ANK1: variants seen among roughly 807,000 people sequenced by gnomAD.
The protein encoded by ANK1 is ankyrin 1.
Under a neutral mutation model 210.4 loss-of-function variants are expected in ANK1, and 51 were observed. The observed-to-expected ratio is 0.24, with a 90% confidence interval of 0.19 to 0.31. The LOEUF is 0.31. ANK1 is among the 10% of genes least tolerant of loss of function. The pLI is 1.00. For missense variants in ANK1, 2,051 were observed against 2,504.4 expected, an observed-to-expected ratio of 0.82 and a Z score of 3.86; for synonymous variants, 967 against 1,025.9, an observed-to-expected ratio of 0.94 and a Z score of 1.10.
chr8:41,692,858 A>G lies in ANK1; in HGVS notation c.3648T>C (p.Cys1216=), dbSNP rs1456754312. ...AGTTCACAGCCTCAGCAGTCCGAGG[A>G]CAGTCCGACAGCCAAAACCTAAAAA... ...NVSARFWLSD[C]PRTAEAVNFA... Residue 1216 remains cysteine (C), a synonymous_variant, in exon 31 of 43, where the codon TGT becomes TGC. Transcript: ENST00000289734. 7.4e-6 allele frequency: 12 copies of G among 1,613,906 alleles called. No individual in the cohort carries two copies. In the African/African-American group the frequency reaches 9.3e-5, roughly 13 times the overall value.
chr8:41,886,459 C>T (rs1818455807), intron 1 of ANK1, among the ~76,000 whole-genome samples: 1 of 152,210 alleles, frequency 6.6e-6, no homozygotes, highest in Admixed American at 6.5e-5. Flanking sequence ...ACTCCACAGG[C>T]CACAGCTCTT....
chr8:41,661,263 C>T, intron 42 of ANK1, 167 bp downstream of exon 42: 1 of 1,052,622 alleles, frequency 9.5e-7, no homozygotes, highest in East Asian at 2.6e-5. Flanking sequence ...GGGTTCAGAG[C>T]CAACTGTTAG....
chr8:41,818,253 A>G (rs1040565988), intron 1 of ANK1, among the ~76,000 whole-genome samples: 4 of 152,224 alleles, frequency 2.6e-5, no homozygotes, highest in Admixed American at 2.6e-4. Flanking sequence ...GGAGATTTGG[A>G]GGAGTAAAGT....
intron 2 of ANK1, among the ~76,000 whole-genome samples, chr8:41,751,841 A>G (rs1462721676): frequency 6.6e-6 from 1 of 152,102 alleles, no homozygotes; most frequent in East Asian, 1.9e-4. Context: ...CTCTTGTGTA[A>G]CACCTTCAAA....
chr8:41,690,105 C>CG lies in ANK1; in HGVS notation c.4104+121dup, dbSNP rs1818848222. The CG allele has an allele frequency of 2.0e-6, 3 of 1,493,452 alleles. No homozygotes were observed. In the South Asian group the frequency reaches 3.5e-5, roughly 18 times the overall value. 92.5% of individuals were successfully genotyped at this position (1,493,452 alleles called of 1,614,324 possible). A position where few individuals can be genotyped will look rare whatever the true frequency, so the allele number is the denominator to read the frequency against. ...GAGAGCTCAGCACCTTTGCATGCCTCGGGGGACTCTAAGCTTCCACCAGGA... is the reference window on the plus strand; with the variant it reads ...GAGAGCTCAGCACCTTTGCATGCCTCGGGGGGACTCTAAGCTTCCACCAGGA... On this transcript the variant is annotated intron_variant, in intron 33 of 42. Transcript: ENST00000289734.
chr8:41,863,360 T>C (rs9886450), intron 1 of ANK1, among the ~76,000 whole-genome samples: 25,825 of 151,586 alleles, frequency 0.17, 2,868 homozygotes, highest in East Asian at 0.67. Flanking sequence ...CTCCATCTCA[T>C]TAAAAAAAAA....
chr8:41,856,197 C>T (rs1364340191), intron 1 of ANK1, among the ~76,000 whole-genome samples: 1 of 152,168 alleles, frequency 6.6e-6, no homozygotes, highest in East Asian at 1.9e-4. Context: ...GCACATTTTG[C>T]TTTCAATTTC....
intron 1 of ANK1, among the ~76,000 whole-genome samples, chr8:41,831,321 C>T (rs780040926): frequency 1.3e-5 from 2 of 152,198 alleles, no homozygotes; most frequent in Non-Finnish European, 2.9e-5. Flanking sequence ...CATGACCCAG[C>T]AATCCCACTC....
At chr8:41,678,208 G>A (rs1272171820) in intron 37 of ANK1, among the ~76,000 whole-genome samples, 5 of 151,112 alleles carry the variant, frequency 3.3e-5, no homozygotes, top group Admixed American at 6.6e-5. Context: ...ATGTAATCTC[G>A]GTCCACTGCA....
At chr8:41,696,955 G>A (rs1242124128) in intron 24 of ANK1, among the ~76,000 whole-genome samples, 182 bp from the exon 25 acceptor site, 3 of 152,166 alleles carry the variant, frequency 2.0e-5, no homozygotes, top group African/African-American at 4.8e-5. Flanking sequence ...AAGGAAGCAC[G>A]AGCTTCCTCC....
chr8:41,668,166 G>T, intron 39 of ANK1, 101 bp downstream of exon 39: 2 of 1,507,826 alleles, frequency 1.3e-6, no homozygotes, highest in South Asian at 1.1e-5. Flanking sequence ...AAGGGGATAT[G>T]CTTAGCTCAG....
intron 6 of ANK1, 126 bp downstream of exon 6, chr8:41,725,635 G>T: frequency 7.6e-7 from 1 of 1,314,876 alleles, no homozygotes; most frequent in Non-Finnish European, 1.0e-6. Flanking sequence ...GGGTGAGGGC[G>T]CTCAGTGCGC....
rs577169884 is a variant in ANK1, at chr8:41,666,285, T to G, written c.5394+1982A>C. Among the ~76,000 whole-genome samples, 8 of 152,368 alleles carry G rather than the reference T, an allele frequency of 5.3e-5. No individual in the cohort carries two copies. The South Asian group carries it at 1.4e-3, about 28-fold the overall frequency. ...CTATGTGGATTTCGCATTAATTCAC[T>G]GACACCTCACCACAGTCCTAACCAA... On this transcript the variant is annotated intron_variant, in intron 39 of 42. Transcript: ENST00000289734.
upstream of ANK1, chr8:41,797,704 G>T: frequency 9.1e-7 from 1 of 1,099,386 alleles, no homozygotes; most frequent in Non-Finnish European, 1.2e-6. This position sits in a 1 kb window ranked among gnomAD's most constrained non-coding sequence, Gnocchi z 4.0. Flanking sequence ...GGCGCTCCCG[G>T]CACGGGCGGG....
In ANK1 at chr8:41,895,909, C is replaced by A. The variant is rs377720869; in HGVS notation, c.126+446G>T. On this transcript the variant is annotated intron_variant, in intron 1 of 42. Coordinates refer to the ANK1 transcript ENST00000265709. ...AGAAGCCGGGCAGAGCTGCCCCCCC[C>A]CGGCCCGCTCCCCGGAGCCTGCAGC... Among the ~76,000 whole-genome samples, 553 of 152,298 alleles carry A rather than the reference C, an allele frequency of 3.6e-3. 3 individuals carry two copies. Among genetic ancestry groups the A allele is most frequent in the Non-Finnish European group, 6.1e-3 (413 of 68,006 alleles).
chr8:41,716,883 G>T, intron 13 of ANK1, 70 bp downstream of exon 13: 2 of 1,487,668 alleles, frequency 1.3e-6, no homozygotes, highest in Non-Finnish European at 1.9e-6. Context: ...CTGGAATGAG[G>T]ATGGGTTCTC....
At chr8:41,723,457 G>A in intron 8 of ANK1, 78 bp downstream of exon 8, 2 of 1,535,994 alleles carry the variant, frequency 1.3e-6, no homozygotes, top group Non-Finnish European at 9.0e-7. Flanking sequence ...AGGTCACCAA[G>A]GGCCCGCTGC....
rs755821239 is a variant in ANK1 at position 41,684,562 on chromosome 8, A to G, written c.4519T>C (p.Ser1507Pro). 12 of 1,613,726 alleles carry G rather than the reference A, an allele frequency of 7.4e-6. No individual in the cohort carries two copies. The East Asian group carries it at 2.7e-4, about 36-fold the overall frequency. Residue 1507 changes from serine (S) to proline (P), a missense_variant, in exon 37 of 43, where the codon TCA becomes CCA. By Grantham distance (74) the Ser-to-Pro change is moderately conservative (BLOSUM62 -1). Transcript: ENST00000289734. ...CACTCACCATTCATCTGGGAGGGTG[A>G]CAGCGAGTAGTCGCGGTCGGTGTGC... is the stretch of plus-strand genomic sequence containing the variant. Reference protein sequence around the residue: ...RRHTDRDYSLSPSQMNGYSSL... With the variant: ...RRHTDRDYSLPPSQMNGYSSL...
chr8:41,679,256 C>T (rs535963634), intron 37 of ANK1, among the ~76,000 whole-genome samples: 1 of 152,204 alleles, frequency 6.6e-6, no homozygotes, highest in South Asian at 2.1e-4. Flanking sequence ...TTTTTGTATC[C>T]GTGTATGCTT....
Sources: allele counts gnomAD v4.1 joint callset (sites outside exome capture counted in the v4.1 genomes callset), GRCh38; gene constraint gnomAD v4.1.1; non-coding constraint Gnocchi (gnomAD v3.1); transcripts MANE v1.5; gene names NCBI Gene and HGNC (gene_info 2026-07-23, HGNC 2026-07-21).